Variants in MEGF8 observed in about 807,000 individuals in gnomAD.
MEGF8 encodes multiple epidermal growth factor-like domains protein 8.
A neutral mutation model predicts 302.9 loss-of-function variants in MEGF8; 156 were observed. The ratio of observed to expected loss-of-function variants is 0.52; its 90% CI spans 0.45 to 0.59. MEGF8 has a LOEUF of 0.59. Ranked by LOEUF, MEGF8 falls within the 20% of genes least tolerant of loss-of-function variation. The pLI is 0.00. For synonymous variants in MEGF8, 1,621 were observed against 1,660.5 expected, an observed-to-expected ratio of 0.98 and a Z score of 0.58; for missense variants, 3,345 against 3,964.5, an observed-to-expected ratio of 0.84 and a Z score of 4.20.
chr19:42,362,956 G>A, intron 34 of MEGF8, 92 bp from the exon 35 acceptor site: 1 of 1,087,432 alleles, frequency 9.2e-7, no homozygotes, highest in Non-Finnish European at 1.4e-6. Context: ...AAGGGAGGAG[G>A]GGCTGGGCCT....
At chr19:42,334,578 G>A (rs1240019175) in intron 3 of MEGF8, among the ~76,000 whole-genome samples, 1 of 152,044 alleles carries the variant, frequency 6.6e-6, no homozygotes. Flanking sequence ...ACCTTACGCC[G>A]AAGCTGTGTA....
intron 41 of MEGF8, among the ~76,000 whole-genome samples, chr19:42,372,076 C>CAA (rs2039701345): frequency 5.4e-5 from 6 of 111,524 alleles, no homozygotes; most frequent in East Asian, 2.6e-4. Flanking sequence ...CAACAACAAA[C>CAA]ACACACACAC....
chr19:42,336,771 C>A lies in MEGF8; in HGVS notation c.1245-36C>A. 1 of 1,543,852 alleles carries A rather than the reference C, an allele frequency of 6.5e-7. No individual in the cohort carries two copies. The highest frequency in any genetic ancestry group is 8.7e-7 in the Non-Finnish European group (1 of 1,147,222). On this transcript the variant is annotated intron_variant, in intron 6 of 41. Transcript: ENST00000251268. The surrounding 1 kb of genome is among the most constrained non-coding windows in gnomAD (Gnocchi z 4.8). ...CCTGGAGGAGGGAGAGAGACGCTTCCTGCCCTGAGCCCCTGCCCTGCTTCT... is the reference window on the plus strand; with the variant it reads ...CCTGGAGGAGGGAGAGAGACGCTTCATGCCCTGAGCCCCTGCCCTGCTTCT...
Position 42,370,769 on chromosome 19 carries a change from C to G in MEGF8, c.7074C>G (p.Ser2358Arg). The G allele has an allele frequency of 6.4e-7, 1 of 1,562,348 alleles. No individual in the cohort carries two copies. The highest frequency in any genetic ancestry group is 8.7e-7 in the Non-Finnish European group (1 of 1,153,594). ...TGTGCGTGAACTGCCAGAATAACAG[C>G]TATGGGGAGAAATGCGAGAGCTGCC... ...EAVCVNCQNN[S>R]YGEKCESCLQ... Residue 2358 changes from serine to arginine, a missense_variant, in exon 40 of 42, where the codon AGC becomes AGG. Coordinates refer to ENST00000251268, the MANE Select transcript of MEGF8 (RefSeq NM_001271938.2).
chr19:42,353,464 G>T lies in MEGF8; in HGVS notation c.3551-1G>T. ...TGTCCCACCTGCTGGGGCCTCCACA[G>T]ACTGGACATGGGGGGAGCACTGCGA... On this transcript the variant is annotated splice_acceptor_variant, in intron 20 of 41. Transcript: ENST00000251268. LOFTEE classifies it high-confidence loss of function. The surrounding 1 kb of genome is among the most constrained non-coding windows in gnomAD (Gnocchi z 6.1). 6.2e-7 allele frequency: 1 copy of T among 1,610,164 alleles called. No homozygotes were observed. Among genetic ancestry groups the T allele is most frequent in the Non-Finnish European group, 8.5e-7 (1 of 1,179,326 alleles).
At position 42,359,233 on chromosome 19, in the gene MEGF8, G is replaced by A. The variant is rs753405679; in HGVS notation, c.5479G>A (p.Asp1827Asn). Reference protein sequence around the residue: ...QVNCNAWLLPDLTRSASVGPP... With the variant: ...QVNCNAWLLPNLTRSASVGPP... The stretch of plus-strand genomic sequence containing the variant: ...CAACTGCAATGCCTGGCTTCTGCCC[G>A]ACCTCACCCGTAAGTCCCCATTGTG... The change falls in exon 31 of 42, where the codon GAC (aspartate) becomes AAC (asparagine). Residue 1827 changes from aspartate to asparagine, a missense_variant. Coordinates refer to ENST00000251268, the MANE Select transcript of MEGF8 (RefSeq NM_001271938.2). 4 of 1,569,724 alleles carry A rather than the reference G, an allele frequency of 2.5e-6. No homozygotes were observed. Among genetic ancestry groups the A allele is most frequent in the East Asian group, 2.3e-5 (1 of 43,974 alleles).
chr19:42,338,229 A>G (rs1176369648), intron 8 of MEGF8, among the ~76,000 whole-genome samples: 2 of 150,928 alleles, frequency 1.3e-5, no homozygotes, highest in African/African-American at 4.9e-5. Context: ...AGTACCCAAC[A>G]GGTAGGTTTT....
rs373268803 is a variant in MEGF8 at position 42,351,795 on chromosome 19, G to A, written c.3101+34G>A. 2.4e-5 allele frequency: 37 copies of A among 1,522,604 alleles called. No homozygotes were observed. The highest frequency in any genetic ancestry group is 5.9e-5 in the Admixed American group (3 of 51,124). 94.3% of individuals were successfully genotyped at this position (1,522,604 alleles called of 1,614,324 possible). On this transcript the variant is annotated intron_variant, in intron 18 of 41. Coordinates refer to ENST00000251268, the MANE Select transcript of MEGF8 (RefSeq NM_001271938.2). The surrounding 1 kb of genome is among the most constrained non-coding windows in gnomAD (Gnocchi z 5.6). ...GGGCAGGTGGGTGGGCAGGGTGCCC[G>A]GCTGTGTCCTTCCTCCATGACCGGT...
chr19:42,343,466 T>C lies in MEGF8; in HGVS notation c.1514-11T>C, dbSNP rs374008776. 1.3e-6 allele frequency: 2 copies of C among 1,583,562 alleles called. No homozygotes were observed. Among genetic ancestry groups the C allele is most frequent in the Non-Finnish European group, 1.7e-6 (2 of 1,158,344 alleles). ...GGTCTAATAATGTCATTGGGGTCTC[T>C]ATTCCCCTAGGCCGAGCAGCGCCTC... On this transcript the variant is annotated splice_polypyrimidine_tract_variant and intron_variant, in intron 8 of 41. Coordinates refer to ENST00000251268, the MANE Select transcript of MEGF8 (RefSeq NM_001271938.2).
At chr19:42,370,017 T>C (rs1039717898) in intron 38 of MEGF8, among the ~76,000 whole-genome samples, 172 bp from the exon 39 acceptor site, 2 of 152,200 alleles carry the variant, frequency 1.3e-5, no homozygotes, top group Non-Finnish European at 2.9e-5. Context: ...CACTTTGGGC[T>C]GCAGGTGTGC....
At position 42,341,451 on chromosome 19, in the gene MEGF8, CACACATAAAA is replaced by C. The variant is rs2039213707; in HGVS notation, c.1514-2022_1514-2013del. ...CTCCAAAAAAAAAAAAAAAAAAAAA[CACACATAAAA>C]ACAGATTTTTTAAAATTTTTTGTAG... On this transcript the variant is annotated intron_variant, in intron 8 of 41. Transcript: ENST00000251268. Among the ~76,000 whole-genome samples, 2 of 119,182 alleles carry C rather than the reference CACACATAAAA, an allele frequency of 1.7e-5. 1 individual carries two copies. The highest frequency in any genetic ancestry group is 5.8e-4 in the South Asian group (2 of 3,468). The allele number at this position is 119,182 out of a possible 152,430, so 78.2% of individuals were successfully genotyped here. A position where few individuals can be genotyped will look rare whatever the true frequency, so the allele number is the denominator to read the frequency against.
Position 42,333,611 on chromosome 19 carries a change from G to A in MEGF8, c.194G>A (p.Ser65Asn). The A allele has an allele frequency of 1.9e-6, 3 of 1,613,554 alleles. No homozygotes were observed. The highest frequency in any genetic ancestry group is 1.7e-4 in the Middle Eastern group (1 of 6,056). ...GNCEWLIEAPSPQHRILLDFL... is the reference protein window; with the variant it reads ...GNCEWLIEAPNPQHRILLDFL... ...CTCTGTGCTCACCTCCCAGCCCCAAGCCCCCAGCACCGGATCCTGCTGGAC... is the reference window on the plus strand; with the variant it reads ...CTCTGTGCTCACCTCCCAGCCCCAAACCCCCAGCACCGGATCCTGCTGGAC... The change falls in exon 2 of 42, where the codon AGC becomes AAC. Residue 65 changes from serine (S) to asparagine (N), a missense_variant. Ser to Asn is a conservative substitution (Grantham distance 46). Transcript: ENST00000251268.
rs199656818 is a variant in MEGF8, at chr19:42,344,809, G to A, written c.2073G>A (p.Pro691=). The A allele has an allele frequency of 2.5e-5, 40 of 1,596,462 alleles. No individual in the cohort carries two copies. Among genetic ancestry groups the A allele is most frequent in the Admixed American group, 3.4e-5 (2 of 58,372 alleles). The part of the protein sequence containing the change: ...PGLHLLTFQQ[P]PNTSQPDKVS... The stretch of plus-strand genomic sequence containing the variant: ...TGCACTTGCTCACCTTTCAGCAGCC[G>A]CCCAATACCTCCCAGCCTGACAAGG... Residue 691 remains proline, a synonymous_variant, in exon 12 of 42, where the codon CCG becomes CCA. Coordinates refer to ENST00000251268, the MANE Select transcript of MEGF8 (RefSeq NM_001271938.2). The surrounding 1 kb of genome is among the most constrained non-coding windows in gnomAD (Gnocchi z 4.5).
In MEGF8 at chr19:42,354,599, C is replaced by T. The variant is rs1187391463; in HGVS notation, c.4023C>T (p.Val1341=). ...DSSTPCTLSY[V]LAFDGFPRFL... ...CTGCACCCCTCTAGCTGAGCTACGT[C>T]CTGGCGTTTGATGGATTCCCACGCT... The change falls in exon 23 of 42, where the codon GTC becomes GTT. Residue 1341 remains valine, a synonymous_variant. Transcript: ENST00000251268. The surrounding 1 kb of genome is among the most constrained non-coding windows in gnomAD (Gnocchi z 4.3). 3 of 1,612,580 alleles carry T rather than the reference C, an allele frequency of 1.9e-6. No individual in the cohort carries two copies. Among genetic ancestry groups the T allele is most frequent in the Non-Finnish European group, 2.5e-6 (3 of 1,179,428 alleles).
intron 1 of MEGF8, among the ~76,000 whole-genome samples, chr19:42,331,725 T>C (rs1293326006): frequency 6.7e-6 from 1 of 150,072 alleles, no homozygotes; most frequent in Non-Finnish European, 1.5e-5. Flanking sequence ...TGTGCCACCA[T>C]ATCCAGCTAA....
chr19:42,337,652 G>A (rs1191234810), intron 8 of MEGF8, among the ~76,000 whole-genome samples: 3 of 150,524 alleles, frequency 2.0e-5, no homozygotes, highest in African/African-American at 7.3e-5. Flanking sequence ...GACTACAGGC[G>A]CCTGCCACCT....
rs1042258328 is a variant in MEGF8, at chr19:42,377,971, C to G, written c.*1196C>G. ...GTGGATGTCAGGGTGAGGGAGGAGA[C>G]AAAACCACGATGACCCCTAGCTTTG... On this transcript the variant is annotated 3_prime_UTR_variant, in exon 42 of 42. Transcript: ENST00000251268. 2 of 151,812 alleles carry G rather than the reference C, an allele frequency of 1.3e-5. No individual in the cohort carries two copies. Among genetic ancestry groups the G allele is most frequent in the African/African-American group, 4.9e-5 (2 of 41,224 alleles). The allele number at this position is 151,812 out of a possible 1,614,324, so 9.4% of individuals were successfully genotyped here.
In MEGF8 at chr19:42,376,239, C is replaced by T. The variant is rs2039768417; in HGVS notation, c.8002C>T (p.Leu2668Phe). 1 of 1,606,836 alleles carries T rather than the reference C, an allele frequency of 6.2e-7. No homozygotes were observed. Among genetic ancestry groups the T allele is most frequent in the Non-Finnish European group, 8.5e-7 (1 of 1,176,822 alleles). ...CFFLFLSLCVLLWKAKQALDQ... is the reference protein window; with the variant it reads ...CFFLFLSLCVFLWKAKQALDQ... Reference sequence around the variant, plus strand: ...CTTCCTCTTCCTCTCACTCTGTGTGCTCCTCTGGAAGGCCAAGCAGGCTCT... The same window carrying T: ...CTTCCTCTTCCTCTCACTCTGTGTGTTCCTCTGGAAGGCCAAGCAGGCTCT... The change falls in exon 42 of 42, where the codon CTC becomes TTC. Residue 2668 changes from leucine (L) to phenylalanine (F), a missense_variant. Coordinates refer to ENST00000251268, the MANE Select transcript of MEGF8 (RefSeq NM_001271938.2). The surrounding 1 kb of genome is among the most constrained non-coding windows in gnomAD (Gnocchi z 8.2).
rs561218335 is a variant in MEGF8 at position 42,369,801 on chromosome 19, CG to C, written c.6834+79del. 5.7e-4 allele frequency: 809 copies of C among 1,428,806 alleles called. 6 individuals are homozygous for C. The African/African-American group carries it at 0.011, about 19-fold the overall frequency. The allele number at this position is 1,428,806 out of a possible 1,614,324, so 88.5% of individuals were successfully genotyped here. A position where few individuals can be genotyped will look rare whatever the true frequency, so the allele number is the denominator to read the frequency against. Reference sequence around the variant, plus strand: ...GCCTTCATCCCACGCTCAGGCGGCTCGCATCTCATCCTGAGCCCTGATAAGC... The same window carrying C: ...GCCTTCATCCCACGCTCAGGCGGCTCCATCTCATCCTGAGCCCTGATAAGC... On this transcript the variant is annotated intron_variant, in intron 38 of 41. Transcript: ENST00000251268. This position sits in a 1 kb window ranked among gnomAD's most constrained non-coding sequence, Gnocchi z 5.7.
Sources: gnomAD v4.1 joint callset for allele counts (sites outside exome capture counted in the v4.1 genomes callset) on GRCh38, gnomAD v4.1.1 for gene constraint, Gnocchi (gnomAD v3.1) non-coding constraint, MANE v1.5 for transcripts, NCBI Gene and HGNC (gene_info 2026-07-23, HGNC 2026-07-21) for gene names.